BBS7: variants seen among roughly 807,000 people sequenced by gnomAD.
The protein encoded by BBS7 is Bardet-Biedl syndrome 7, also known as BBSome complex member BBS7.
In BBS7, 50 loss-of-function variants were observed where a neutral mutation model predicts 90.3. The ratio of observed to expected loss-of-function variants is 0.55; its 90% CI spans 0.44 to 0.70. The LOEUF (loss-of-function observed/expected upper bound fraction) is 0.70. Ranked by LOEUF, BBS7 falls within the 30% of genes least tolerant of loss-of-function variation. BBS7 has a pLI of 0.00. For missense variants in BBS7, 729 were observed against 838.9 expected, an observed-to-expected ratio of 0.87 and a Z score of 1.62; for synonymous variants, 235 against 287.4, an observed-to-expected ratio of 0.82 and a Z score of 1.85.
intron 15 of BBS7, among the ~76,000 whole-genome samples, chr4:121,832,856 C>T (rs1172932744): frequency 6.6e-6 from 1 of 152,110 alleles, no homozygotes; most frequent in Non-Finnish European, 1.5e-5. Context: ...TTAATCAAGT[C>T]GTTTATGTCA....
rs539780490 is a variant in BBS7, at chr4:121,826,368, T to C, written c.2015-375A>G. The stretch of plus-strand genomic sequence containing the variant: ...TTCTATTTTTAACAGCTTATCTGAA[T>C]TAAAATATTCCACCTATATGTTGAC... On this transcript the variant is annotated intron_variant, in intron 18 of 18. Transcript: ENST00000264499. Among the ~76,000 whole-genome samples the C allele has an allele frequency of 7.2e-5, 11 of 152,348 alleles. No individual in the cohort carries two copies. In the South Asian group the frequency reaches 2.3e-3, roughly 32 times the overall value.
chr4:121,852,113 A>G (rs1208142160), intron 8 of BBS7, among the ~76,000 whole-genome samples: 1 of 152,220 alleles, frequency 6.6e-6, no homozygotes, highest in Non-Finnish European at 1.5e-5. Context: ...TTTGAAACCA[A>G]TCTATAAAAT....
chr4:121,868,684 C>CAAAAA (rs34910805), intron 1 of BBS7, among the ~76,000 whole-genome samples: 513 of 49,682 alleles, frequency 0.01, 167 homozygotes, highest in African/African-American at 0.025. Context: ...GACCCTGTTT[C>CAAAAA]AAAAAAAAAA....
At chr4:121,870,252 G>C in intron 1 of BBS7, 26 bp downstream of exon 1, 1 of 1,614,034 alleles carries the variant, frequency 6.2e-7, no homozygotes, top group South Asian at 1.1e-5. Context: ...GCCCAGCGCG[G>C]CGCCCGCCCT....
chr4:121,869,137 A>C (rs1396720029), intron 1 of BBS7, among the ~76,000 whole-genome samples: 1 of 152,166 alleles, frequency 6.6e-6, no homozygotes, highest in Non-Finnish European at 1.5e-5. Context: ...CAGATTCAAG[A>C]GATATTTGGG....
chr4:121,839,695 G>T lies in BBS7; in HGVS notation c.1307C>A (p.Ser436Ter). The change falls in exon 13 of 19, where the codon TCA becomes TAA. Residue 436 changes from serine to a stop codon, truncating the protein, a stop_gained and splice_region_variant. Transcript: ENST00000264499. LOFTEE classifies it high-confidence loss of function. ...AGTGGCAAGAAGGAAGTTGTCGTTTGACTGGGAAGAATACAAAGTGGAGGA... is the reference window on the plus strand; with the variant it reads ...AGTGGCAAGAAGGAAGTTGTCGTTTTACTGGGAAGAATACAAAGTGGAGGA... ...VVSFSSCDSE[S>*]NDNFLLATYR... The T allele has an allele frequency of 6.2e-7, 1 of 1,612,890 alleles. No homozygotes were observed. Among genetic ancestry groups the T allele is most frequent in the South Asian group, 1.1e-5 (1 of 91,038 alleles).
chr4:121,835,340 T>C, intron 13 of BBS7, 57 bp from the exon 14 acceptor site: 2 of 1,589,016 alleles, frequency 1.3e-6, no homozygotes, highest in Non-Finnish European at 1.7e-6. Context: ...AAACATATCT[T>C]TAGAATGTTC....
chr4:121,858,282 C>T (rs73847206), intron 5 of BBS7, among the ~76,000 whole-genome samples: 19,572 of 152,178 alleles, frequency 0.13, 3,448 homozygotes, highest in African/African-American at 0.4. Flanking sequence ...TCATCAACTG[C>T]ACCAACTATA....
At chr4:121,841,987 C>T (rs1179692344) in intron 12 of BBS7, among the ~76,000 whole-genome samples, 1 of 152,048 alleles carries the variant, frequency 6.6e-6, no homozygotes, top group African/African-American at 2.4e-5. Context: ...CACAGTGGCT[C>T]ACACCTGTAA....
In BBS7 at chr4:121,870,471, C is replaced by G; in HGVS notation, c.-158G>C. On this transcript the variant is annotated 5_prime_UTR_variant, in exon 1 of 19. Coordinates refer to ENST00000264499, the MANE Select transcript of BBS7 (RefSeq NM_176824.3). ...GTCCTGGGCTGCACAGGCGGGGCGA[C>G]AGGGCAGTGGCGTCCTGCGTGACGT... 1 of 761,862 alleles carries G rather than the reference C, an allele frequency of 1.3e-6. No individual in the cohort carries two copies. Among genetic ancestry groups the G allele is most frequent in the South Asian group, 1.6e-5 (1 of 63,690 alleles). 47.2% of individuals were successfully genotyped at this position (761,862 alleles called of 1,614,324 possible). A position where few individuals can be genotyped will look rare whatever the true frequency, so the allele number is the denominator to read the frequency against.
At chr4:121,867,906 T>A (rs1329896095) in intron 2 of BBS7, 75 bp downstream of exon 2, 1 of 1,248,896 alleles carries the variant, frequency 8.0e-7, no homozygotes, top group East Asian at 2.3e-5. Flanking sequence ...AATAACTTAA[T>A]AATAAAGAAG....
chr4:121,839,093 T>C lies in BBS7; in HGVS notation c.1371+538A>G, dbSNP rs188967546. Among the ~76,000 whole-genome samples the C allele has an allele frequency of 8.2e-4, 125 of 152,304 alleles. 1 individual carries two copies. Among genetic ancestry groups the C allele is most frequent in the Non-Finnish European group, 1.3e-3 (87 of 68,030 alleles). ...CACATTAAATGAAATTATGAATATC[T>C]TGTATTTGCTTCAAAATATTTTAGG... is the stretch of plus-strand genomic sequence containing the variant. On this transcript the variant is annotated intron_variant, in intron 13 of 18. Coordinates refer to ENST00000264499, the MANE Select transcript of BBS7 (RefSeq NM_176824.3).
At chr4:121,859,312 C>A in intron 4 of BBS7, 134 bp from the exon 5 acceptor site, 2 of 820,660 alleles carry the variant, frequency 2.4e-6, no homozygotes. Context: ...TTAAAACTTT[C>A]TCCTAGTTAA....
At chr4:121,828,321 GTAATGT>G in intron 17 of BBS7, 52 bp from the exon 18 acceptor site, 1 of 1,590,452 alleles carries the variant, frequency 6.3e-7, no homozygotes, top group South Asian at 1.1e-5. Flanking sequence ...TCAATCCAAT[GTAATGT>G]TAAAGTATTG....
intron 13 of BBS7, among the ~76,000 whole-genome samples, chr4:121,836,968 G>GTTT (rs148415772): frequency 6.7e-6 from 1 of 149,408 alleles, no homozygotes; most frequent in Non-Finnish European, 1.5e-5. Flanking sequence ...GGTTTTTTTT[G>GTTT]TTTTTTTTTG....
At chr4:121,843,410 CAG>C (rs1206491976) in intron 12 of BBS7, among the ~76,000 whole-genome samples, 1 of 152,014 alleles carries the variant, frequency 6.6e-6, no homozygotes, top group Non-Finnish European at 1.5e-5. Flanking sequence ...ACTAAGTTAA[CAG>C]GGGTAGGAAT....
In BBS7 at chr4:121,825,887, T is replaced by C. The variant is rs1350882642; in HGVS notation, c.2121A>G (p.Ala707=). 1.2e-6 allele frequency: 2 copies of C among 1,613,292 alleles called. No homozygotes were observed. The stretch of plus-strand genomic sequence containing the variant: ...ATGCTGCATCGAAGAATGAAATCAA[T>C]GCATTTTGGTCATAACTGTCCAGAA... The part of the protein sequence containing the change: ...LEILDSYDQN[A]LISFFDAA The change falls in exon 19 of 19, where the codon GCA becomes GCG. Residue 707 remains alanine, a synonymous_variant. Coordinates refer to ENST00000264499, the MANE Select transcript of BBS7 (RefSeq NM_176824.3).
chr4:121,847,358 C>G lies in BBS7; in HGVS notation c.1037+46G>C, dbSNP rs754461488. 19 of 1,254,776 alleles carry G rather than the reference C, an allele frequency of 1.5e-5. No homozygotes were observed. The Admixed American group carries it at 2.4e-4, about 16-fold the overall frequency. The allele number at this position is 1,254,776 out of a possible 1,614,324, so 77.7% of individuals were successfully genotyped here. A position where few individuals can be genotyped will look rare whatever the true frequency, so the allele number is the denominator to read the frequency against. On this transcript the variant is annotated intron_variant, in intron 10 of 18. Transcript: ENST00000264499. Reference sequence around the variant, plus strand: ...TAAGTAATAAAAAGCAACAACCACACACTTCATGAGATTTTTAAAAAAGCA... The same window carrying G: ...TAAGTAATAAAAAGCAACAACCACAGACTTCATGAGATTTTTAAAAAAGCA...
Position 121,870,372 on chromosome 4 carries a change from G to C in BBS7, c.-59C>G, listed in dbSNP as rs1431748844. On this transcript the variant is annotated 5_prime_UTR_variant, in exon 1 of 19. Coordinates refer to ENST00000264499, the MANE Select transcript of BBS7 (RefSeq NM_176824.3). ...CAAGAACAGGAGGGACAGAGGCTTC[G>C]GGCCCGCAGGCCTCCGACCCAGTCA... 6.3e-7 allele frequency: 1 copy of C among 1,598,978 alleles called. No homozygotes were observed. The highest frequency in any genetic ancestry group is 1.3e-5 in the African/African-American group (1 of 74,562).
Sources: allele counts gnomAD v4.1 joint callset (sites outside exome capture counted in the v4.1 genomes callset), GRCh38; gene constraint gnomAD v4.1.1; transcripts MANE v1.5; gene names NCBI Gene and HGNC (gene_info 2026-07-23, HGNC 2026-07-21).